The following TSTD2 variants were observed in gnomAD, a reference collection of about 807,000 sequenced individuals.
TSTD2 encodes thiosulfate sulfurtransferase/rhodanese-like domain-containing protein 2.
A neutral mutation model predicts 47.9 loss-of-function variants in TSTD2; 37 were observed. That is an observed-to-expected ratio of 0.77 (90% CI 0.59 to 1.02). The LOEUF (loss-of-function observed/expected upper bound fraction) is 1.02. TSTD2 is among the 50% of genes least tolerant of loss of function. TSTD2 has a pLI of 0.00. For missense variants in TSTD2, 586 were observed against 616.0 expected, an observed-to-expected ratio of 0.95 and a Z score of 0.52; for synonymous variants, 201 against 215.9, an observed-to-expected ratio of 0.93 and a Z score of 0.61.
intron 7 of TSTD2, 57 bp from the exon 8 acceptor site, chr9:97,605,698 A>G: frequency 6.2e-7 from 1 of 1,609,562 alleles, no homozygotes; most frequent in Non-Finnish European, 8.5e-7. Flanking sequence ...TGGTAGGAAC[A>G]AAGGTTCTTT....
intron 8 of TSTD2, 134 bp from the exon 9 acceptor site, chr9:97,604,999 GCTCCCA>G: frequency 7.0e-7 from 1 of 1,438,836 alleles, no homozygotes; most frequent in East Asian, 2.5e-5. Context: ...GGGGCTCCTG[GCTCCCA>G]CTGCGGGACA....
At chr9:97,612,449 T>A (rs1423084132) in intron 4 of TSTD2, among the ~76,000 whole-genome samples, 2 of 152,228 alleles carry the variant, frequency 1.3e-5, no homozygotes, top group African/African-American at 4.8e-5. Flanking sequence ...TTGAGCTAAT[T>A]TACACTCCCA....
At position 97,606,220 on chromosome 9, in the gene TSTD2, T is replaced by C; in HGVS notation, c.877A>G (p.Lys293Glu). The part of the protein sequence containing the change: ...SPGEFHKEVE[K>E]FLSQANQEQS... ...TCTTGATTTGCCTGAGATAAAAACT[T>C]TTCTACTTCTTTATGAAATTCACCT... Residue 293 changes from lysine (K) to glutamate (E), a missense_variant, in exon 7 of 10, where the codon AAG becomes GAG. Lys to Glu is a moderately conservative substitution (Grantham distance 56). Transcript: ENST00000341170. 5.0e-6 allele frequency: 8 copies of C among 1,611,018 alleles called. No homozygotes were observed. Among genetic ancestry groups the C allele is most frequent in the Non-Finnish European group, 5.9e-6 (7 of 1,178,668 alleles).
chr9:97,629,736 G>A (rs980456398), intron 1 of TSTD2, among the ~76,000 whole-genome samples: 1 of 152,110 alleles, frequency 6.6e-6, no homozygotes, highest in Non-Finnish European at 1.5e-5. Context: ...TAAAGGTAGA[G>A]AAAGTACATA....
At chr9:97,624,821 C>T (rs1826694049) in intron 3 of TSTD2, among the ~76,000 whole-genome samples, 1 of 152,012 alleles carries the variant, frequency 6.6e-6, no homozygotes, top group South Asian at 2.1e-4. Context: ...TAAAAATTCC[C>T]TATGTGCAAT....
chr9:97,619,987 T>C (rs1427357333), intron 3 of TSTD2, among the ~76,000 whole-genome samples: 16 of 152,212 alleles, frequency 1.1e-4, no homozygotes, highest in Admixed American at 1.0e-3. Context: ...AATCCTATGA[T>C]TCAGTTTTAA....
intron 3 of TSTD2, among the ~76,000 whole-genome samples, chr9:97,618,222 T>C (rs1826577428): frequency 6.6e-6 from 1 of 152,248 alleles, no homozygotes; most frequent in South Asian, 2.1e-4. Context: ...GCAGTATCTG[T>C]ATGAATCATC....
chr9:97,609,276 A>G (rs1316369957), intron 6 of TSTD2, among the ~76,000 whole-genome samples: 2 of 152,240 alleles, frequency 1.3e-5, no homozygotes. Flanking sequence ...AAAATTGTGT[A>G]GCTCACATTA....
chr9:97,632,091 G>A (rs1283333462), intron 1 of TSTD2, among the ~76,000 whole-genome samples: 2 of 152,140 alleles, frequency 1.3e-5, no homozygotes, highest in Non-Finnish European at 2.9e-5. Context: ...GCACCTAGGA[G>A]GTGCTAAATG....
At chr9:97,615,383 G>T (rs1468233250) in intron 4 of TSTD2, among the ~76,000 whole-genome samples, 1 of 152,234 alleles carries the variant, frequency 6.6e-6, no homozygotes. Context: ...AACTTGCCCA[G>T]TGGTATAGCT....
intron 3 of TSTD2, among the ~76,000 whole-genome samples, chr9:97,621,517 G>A (rs1281948317): frequency 6.6e-6 from 1 of 152,186 alleles, no homozygotes; most frequent in Admixed American, 6.5e-5. Flanking sequence ...ATGAGTAGAA[G>A]AAATATCGCT....
chr9:97,614,018 C>T (rs957327359), intron 4 of TSTD2, among the ~76,000 whole-genome samples: 2 of 151,774 alleles, frequency 1.3e-5, no homozygotes, highest in East Asian at 1.9e-4. Context: ...TTAGTAGAGA[C>T]GGGGTTTCAC....
rs1395016071 is a variant in TSTD2, at chr9:97,602,591, C to G, written c.1429G>C (p.Glu477Gln). ...VSGPMQDSFK[E>Q]ECECTARRPR... ...CGTCGGGCTGTGCACTCGCATTCCT[C>G]TTTAAAGCTGTCTTGCATAGGGCCT... Residue 477 changes from glutamate to glutamine, a missense_variant, in exon 10 of 10, where the codon GAG becomes CAG. By Grantham distance (29) the Glu-to-Gln change is conservative (BLOSUM62 2). Transcript: ENST00000341170. 16 of 1,614,248 alleles carry G rather than the reference C, an allele frequency of 9.9e-6. No homozygotes were observed. Among genetic ancestry groups the G allele is most frequent in the African/African-American group, 1.3e-5 (1 of 75,076 alleles).
At chr9:97,610,290 G>T in intron 6 of TSTD2, 56 bp downstream of exon 6, 1 of 1,470,106 alleles carries the variant, frequency 6.8e-7, no homozygotes, top group Non-Finnish European at 9.4e-7. Context: ...TTTCTTATTT[G>T]TCTATTAAGT....
chr9:97,601,380 G>A lies in TSTD2; in HGVS notation c.*1089C>T, dbSNP rs1414213551. The A allele has an allele frequency of 1.9e-6, 2 of 1,063,350 alleles. No individual in the cohort carries two copies. Among genetic ancestry groups the A allele is most frequent in the Admixed American group, 5.4e-5 (1 of 18,400 alleles). The allele number at this position is 1,063,350 out of a possible 1,614,324, so 65.9% of individuals were successfully genotyped here. On this transcript the variant is annotated 3_prime_UTR_variant, in exon 10 of 10. Coordinates refer to ENST00000341170, the MANE Select transcript of TSTD2 (RefSeq NM_139246.5). Reference sequence around the variant, plus strand: ...AGTAAGAATGTGTCATGTATTCCAGGTGCTGATCTAAAAACTGTGGCTCAA... The same window carrying A: ...AGTAAGAATGTGTCATGTATTCCAGATGCTGATCTAAAAACTGTGGCTCAA...
Position 97,610,357 on chromosome 9 carries a change from T to A in TSTD2, c.824A>T (p.Tyr275Phe). ...PMGISPKKISYKKPGIHLSPG... is the reference protein window; with the variant it reads ...PMGISPKKISFKKPGIHLSPG... ...AAAAGCAAGCATACCAGGCTTCTTG[T>A]AGGAGATCTTTTTGGGGCTGATCCC... The change falls in exon 6 of 10, where the codon TAC becomes TTC. Residue 275 changes from tyrosine (Y) to phenylalanine (F), a missense_variant. Transcript: ENST00000341170. The A allele has an allele frequency of 6.2e-7, 1 of 1,604,462 alleles. No individual in the cohort carries two copies. Among genetic ancestry groups the A allele is most frequent in the East Asian group, 2.3e-5 (1 of 44,014 alleles).
chr9:97,630,719 A>T lies in TSTD2; in HGVS notation c.-51+2524T>A, dbSNP rs568655157. ...ATCAATGAAACCAGATTACCCATGA[A>T]TTAAGAATTACTGAAGTTGATGATG... On this transcript the variant is annotated intron_variant, in intron 1 of 9. Coordinates refer to ENST00000341170, the MANE Select transcript of TSTD2 (RefSeq NM_139246.5). Among the ~76,000 whole-genome samples, 5 of 152,330 alleles carry T rather than the reference A, an allele frequency of 3.3e-5. No individual in the cohort carries two copies. In the South Asian group the frequency reaches 1.0e-3, roughly 32 times the overall value.
chr9:97,601,279 C>T lies in TSTD2; in HGVS notation c.*1190G>A. On this transcript the variant is annotated 3_prime_UTR_variant, in exon 10 of 10. Coordinates refer to ENST00000341170, the MANE Select transcript of TSTD2 (RefSeq NM_139246.5). ...ATGGCTGCGTATGTGTTTCTTGGAA[C>T]CTGTGTGACAGGGACATGTGCCTGG... is the stretch of plus-strand genomic sequence containing the variant. 8.4e-7 allele frequency: 1 copy of T among 1,195,736 alleles called. No individual in the cohort carries two copies. Among genetic ancestry groups the T allele is most frequent in the Non-Finnish European group, 1.1e-6 (1 of 935,192 alleles). 74.1% of individuals were successfully genotyped at this position (1,195,736 alleles called of 1,614,324 possible).
chr9:97,605,726 T>C, intron 7 of TSTD2, 85 bp from the exon 8 acceptor site: 1 of 1,550,954 alleles, frequency 6.4e-7, no homozygotes, highest in African/African-American at 1.4e-5. Flanking sequence ...CAACAAACCC[T>C]ACTTAGCAAA....
Sources: allele counts gnomAD v4.1 joint callset (sites outside exome capture counted in the v4.1 genomes callset), GRCh38; gene constraint gnomAD v4.1.1; transcripts MANE v1.5; gene names NCBI Gene and HGNC (gene_info 2026-07-23, HGNC 2026-07-21).